C2orf76: variants seen among roughly 807,000 people sequenced by gnomAD.
C2orf76 encodes chromosome 2 open reading frame 76.
A neutral mutation model predicts 16.9 loss-of-function variants in C2orf76; 23 were observed. That is an observed-to-expected ratio of 1.36 (90% CI 0.98 to 1.93). The LOEUF is 1.93. Ranked by LOEUF, C2orf76 falls within the 30% of genes most tolerant of loss-of-function variation. The pLI is 0.00. For synonymous variants in C2orf76, 48 were observed against 52.3 expected, an observed-to-expected ratio of 0.92 and a Z score of 0.35; for missense variants, 152 against 152.6, an observed-to-expected ratio of 1.00 and a Z score of 0.02.
chr2:119,282,137 C>T, the C2orf76 span, among the ~76,000 whole-genome samples: 1 of 147,618 alleles, frequency 6.8e-6, no homozygotes, highest in Non-Finnish European at 1.5e-5. Flanking sequence ...CAGAGCCAGA[C>T]TCCGTCTCAA....
the C2orf76 span, among the ~76,000 whole-genome samples, chr2:119,284,352 C>A: frequency 6.6e-6 from 1 of 152,076 alleles, no homozygotes; most frequent in Admixed American, 6.6e-5. Context: ...GCTAATTTTG[C>A]GGATGATGAA....
At chr2:119,297,952 T>C (rs564241913), downstream of C2orf76, among the ~76,000 whole-genome samples, 2 of 152,270 alleles carry the variant, frequency 1.3e-5, no homozygotes, top group African/African-American at 2.4e-5. Context: ...TTTTGATTTC[T>C]ATACATGTTT....
chr2:119,324,315 A>G (rs559691016), intron 2 of C2orf76, among the ~76,000 whole-genome samples: 188 of 152,330 alleles, frequency 1.2e-3, no homozygotes, highest in African/African-American at 4.3e-3. Context: ...CTGAAGTGCC[A>G]TCTCCTCTGA....
Position 119,321,208 on chromosome 2 carries a change from C to G in C2orf76, c.134-4G>C. 3.7e-6 allele frequency: 5 copies of G among 1,352,504 alleles called. No individual in the cohort carries two copies. The highest frequency in any genetic ancestry group is 5.1e-6 in the Non-Finnish European group (5 of 979,872). The allele number at this position is 1,352,504 out of a possible 1,614,324, so 83.8% of individuals were successfully genotyped here. On this transcript the variant is annotated splice_region_variant and splice_polypyrimidine_tract_variant and intron_variant, in intron 2 of 5. Coordinates refer to ENST00000334816, the MANE Select transcript of C2orf76 (RefSeq NM_001322331.2). Reference sequence around the variant, plus strand: ...AGGTTGGTCCTTAAAGGGATATCTACAAGAGAAAGATTATTTTTTTACACA... The same window carrying G: ...AGGTTGGTCCTTAAAGGGATATCTAGAAGAGAAAGATTATTTTTTTACACA...
the C2orf76 span, among the ~76,000 whole-genome samples, chr2:119,295,410 T>C: frequency 6.6e-6 from 1 of 152,092 alleles, no homozygotes; most frequent in Non-Finnish European, 1.5e-5. Context: ...ATGAGGTTGT[T>C]GTGCTTTGCT....
At chr2:119,305,006 TC>T (rs1678731549) in intron 5 of C2orf76, among the ~76,000 whole-genome samples, 1 of 152,130 alleles carries the variant, frequency 6.6e-6, no homozygotes, top group South Asian at 2.1e-4. Flanking sequence ...CTTGTGCTGG[TC>T]CCCCAGGGCA....
intron 1 of C2orf76, among the ~76,000 whole-genome samples, chr2:119,355,053 C>A (rs1270118483): frequency 2.0e-5 from 3 of 152,228 alleles, no homozygotes; most frequent in African/African-American, 7.2e-5. Context: ...AGCAAATACA[C>A]AAAACCATAA....
chr2:119,329,436 T>C (rs185026443), intron 2 of C2orf76, among the ~76,000 whole-genome samples: 13 of 152,220 alleles, frequency 8.5e-5, no homozygotes, highest in Non-Finnish European at 1.5e-4. Context: ...TAACATATAA[T>C]TGGGACTTCC....
At chr2:119,350,532 T>C (rs551913177) in intron 1 of C2orf76, among the ~76,000 whole-genome samples, 3 of 152,140 alleles carry the variant, frequency 2.0e-5, no homozygotes, top group Admixed American at 6.5e-5. Flanking sequence ...AAAACTTCCA[T>C]AGGAACTGCC....
the C2orf76 span, among the ~76,000 whole-genome samples, chr2:119,287,542 CAT>C: frequency 6.6e-6 from 1 of 151,756 alleles, no homozygotes; most frequent in African/African-American, 2.4e-5. Flanking sequence ...TAAGACATCA[CAT>C]ATACATTTTT....
chr2:119,346,629 G>A (rs1680210724), intron 1 of C2orf76, among the ~76,000 whole-genome samples: 1 of 152,138 alleles, frequency 6.6e-6, no homozygotes, highest in Non-Finnish European at 1.5e-5. Flanking sequence ...GTTGCCAGGG[G>A]TTAGGGGAAG....
intron 4 of C2orf76, among the ~76,000 whole-genome samples, chr2:119,316,972 T>C (rs1679191368): frequency 1.3e-5 from 2 of 152,306 alleles, no homozygotes; most frequent in South Asian, 2.1e-4. Context: ...AACTTCAGGA[T>C]TGCAGGCCAT....
At chr2:119,364,538 C>T (rs1680863658) in intron 1 of C2orf76, among the ~76,000 whole-genome samples, 1 of 152,286 alleles carries the variant, frequency 6.6e-6, no homozygotes, top group African/African-American at 2.4e-5. Flanking sequence ...TTTATTCATT[C>T]AACAACTATT....
chr2:119,337,583 C>T (rs1679890491), intron 2 of C2orf76, among the ~76,000 whole-genome samples: 1 of 152,108 alleles, frequency 6.6e-6, no homozygotes, highest in East Asian at 1.9e-4. Flanking sequence ...GTACACAATT[C>T]ATAAAAGGCA....
chr2:119,285,293 T>C, the C2orf76 span, among the ~76,000 whole-genome samples: 2 of 152,234 alleles, frequency 1.3e-5, no homozygotes, highest in African/African-American at 4.8e-5. Flanking sequence ...AAAGTGACCT[T>C]AACTGCTTCC....
At chr2:119,365,125 C>A (rs984006603) in intron 1 of C2orf76, among the ~76,000 whole-genome samples, 3 of 152,072 alleles carry the variant, frequency 2.0e-5, no homozygotes, top group African/African-American at 7.2e-5. Flanking sequence ...AAACTAAAAG[C>A]AACTGATCTT....
downstream of C2orf76, among the ~76,000 whole-genome samples, chr2:119,297,928 A>AT (rs1201098572): frequency 1.1e-4 from 16 of 152,026 alleles, no homozygotes; most frequent in South Asian, 2.9e-3. Context: ...TGCCTGATGG[A>AT]TTTTTTCTGC....
intron 2 of C2orf76, among the ~76,000 whole-genome samples, chr2:119,330,734 TTTATTTTTTCCAG>T (rs1371763049): frequency 6.6e-6 from 1 of 152,190 alleles, no homozygotes; most frequent in Non-Finnish European, 1.5e-5. Context: ...TCCCCACTGC[TTTATTTTTTCCAG>T]TCTTTTCCTG....
intron 2 of C2orf76, among the ~76,000 whole-genome samples, chr2:119,334,256 C>T (rs72829495): frequency 0.053 from 8,024 of 151,658 alleles, 271 homozygotes; most frequent in South Asian, 0.11. Context: ...TGAAGCACAG[C>T]GGATATTTTA....
Sources: allele counts gnomAD v4.1 joint callset (sites outside exome capture counted in the v4.1 genomes callset), GRCh38; gene constraint gnomAD v4.1.1; transcripts MANE v1.5; gene names NCBI Gene and HGNC (gene_info 2026-07-23, HGNC 2026-07-21).